The following C6 variants were observed in gnomAD, a reference collection of about 807,000 sequenced individuals.
The protein encoded by C6 is complement component C6.
A neutral mutation model predicts 112.9 loss-of-function variants in C6; 101 were observed. The observed-to-expected ratio is 0.89, with a 90% confidence interval of 0.76 to 1.06. The LOEUF (loss-of-function observed/expected upper bound fraction) is 1.06, where lower values mean the gene tolerates loss of function less well. Among genes scored for constraint, C6 ranks in the 50% least tolerant of loss-of-function variants. The pLI, the probability that C6 is intolerant of heterozygous loss-of-function variation, is 0.00. For synonymous variants in C6, 431 were observed against 384.1 expected (o/e 1.12, Z -1.43); for missense variants, 1,202 against 1,104.6 (o/e 1.09, Z -1.25).
intron 17 of C6, among the ~76,000 whole-genome samples, chr5:41,148,203 T>A (rs1746027178): frequency 6.6e-6 from 1 of 152,152 alleles, no homozygotes; most frequent in Non-Finnish European, 1.5e-5. Context: ...AGAAAAAATT[T>A]AAATGCCTAA....
intron 1 of C6, among the ~76,000 whole-genome samples, chr5:41,248,199 C>A (rs1741137555): frequency 6.6e-6 from 1 of 152,112 alleles, no homozygotes; most frequent in Admixed American, 6.6e-5. Flanking sequence ...TTAAATGTAA[C>A]AACTCAAAAC....
chr5:41,199,652 G>T, intron 4 of C6, 116 bp downstream of exon 4: 1 of 1,038,940 alleles, frequency 9.6e-7, no homozygotes, highest in Non-Finnish European at 1.5e-6. Context: ...ATTCCACTCT[G>T]CTTAAAATGT....
Position 41,200,891 on chromosome 5 carries a change from G to GTTTTTT in C6, c.300+661_300+666dup, listed in dbSNP as rs143443464. 6.2e-3 allele frequency among the ~76,000 whole-genome samples: 436 copies of GTTTTTT among 70,622 alleles called. 39 individuals carry two copies. The highest frequency in any genetic ancestry group is 0.018 in the African/African-American group (278 of 15,454). The allele number at this position is 70,622 out of a possible 152,430, so 46.3% of individuals were successfully genotyped here. On this transcript the variant is annotated intron_variant, in intron 3 of 17. Transcript: ENST00000337836. ...TGTTTTTGTTGTTGTTGTTGTTGTT[G>GTTTTTT]TTTTTTTTTTTTTTTTTTTTTTTTT...
chr5:41,159,983 T>A (rs1747317916), intron 11 of C6, among the ~76,000 whole-genome samples, 159 bp downstream of exon 11: 1 of 152,178 alleles, frequency 6.6e-6, no homozygotes, highest in Admixed American at 6.6e-5. Flanking sequence ...GTTGGTAGGT[T>A]ACAGCTGAGA....
intron 1 of C6, among the ~76,000 whole-genome samples, chr5:41,239,152 C>T (rs562581721): frequency 1.4e-5 from 2 of 139,462 alleles, no homozygotes; most frequent in Non-Finnish European, 3.0e-5. Context: ...TGCTCTGTCG[C>T]CCAGGCTGGA....
At chr5:41,175,874 G>T (rs1045500837) in intron 8 of C6, among the ~76,000 whole-genome samples, 4 of 152,310 alleles carry the variant, frequency 2.6e-5, no homozygotes, top group African/African-American at 9.6e-5. Flanking sequence ...CATGCAGGCA[G>T]TGTGGAAAGC....
Position 41,172,219 on chromosome 5 carries a change from T to G in C6, c.1291+6A>C, listed in dbSNP as rs1414873719. The G allele has an allele frequency of 5.0e-6, 8 of 1,613,584 alleles. No homozygotes were observed. Among genetic ancestry groups the G allele is most frequent in the Non-Finnish European group, 2.5e-6 (3 of 1,179,698 alleles). On this transcript the variant is annotated splice_donor_region_variant and intron_variant, in intron 9 of 17. Transcript: ENST00000337836. Reference sequence around the variant, plus strand: ...TGGATAAGCTGCTAAGAGAGAGTACTGTTACCTTCATGTTTCTCTGACAGC... The same window carrying G: ...TGGATAAGCTGCTAAGAGAGAGTACGGTTACCTTCATGTTTCTCTGACAGC...
chr5:41,233,540 A>G (rs529030518), intron 1 of C6, among the ~76,000 whole-genome samples: 45 of 152,104 alleles, frequency 3.0e-4, no homozygotes, highest in Non-Finnish European at 5.9e-4. Flanking sequence ...GTAACAAAAC[A>G]AAATAAAGCT....
intron 1 of C6, 23 bp from the exon 2 acceptor site, chr5:41,203,273 A>G (rs1423276415): frequency 4.0e-5 from 65 of 1,611,244 alleles, no homozygotes; most frequent in Non-Finnish European, 5.4e-5. Context: ...AATACATAAC[A>G]CATATCAAAT....
intron 9 of C6, among the ~76,000 whole-genome samples, chr5:41,170,782 T>A (rs1030530556): frequency 5.3e-5 from 8 of 152,198 alleles, no homozygotes; most frequent in Admixed American, 5.2e-4. Flanking sequence ...TTTGGGAATG[T>A]CTGTGATTCT....
intron 9 of C6, among the ~76,000 whole-genome samples, chr5:41,169,939 T>A (rs1414412392): frequency 6.6e-6 from 1 of 152,190 alleles, no homozygotes; most frequent in Non-Finnish European, 1.5e-5. Context: ...TTATTCCAAT[T>A]GGTTTTTCAT....
At chr5:41,181,278 T>C in intron 7 of C6, 81 bp downstream of exon 7, 1 of 1,289,564 alleles carries the variant, frequency 7.8e-7, no homozygotes, top group Non-Finnish European at 1.1e-6. Flanking sequence ...ATATCAAAAC[T>C]CTCCCCTTCT....
intron 1 of C6, among the ~76,000 whole-genome samples, chr5:41,210,503 A>G (rs1362560961): frequency 1.3e-5 from 2 of 152,228 alleles, no homozygotes; most frequent in African/African-American, 4.8e-5. Context: ...TCTACAAAGA[A>G]CTCAAACAAA....
intron 1 of C6, among the ~76,000 whole-genome samples, chr5:41,210,803 T>C (rs552104777): frequency 1.3e-5 from 2 of 152,282 alleles, no homozygotes; most frequent in East Asian, 3.9e-4. Context: ...TGTAAACTAG[T>C]TCAACCATTG....
intron 2 of C6, 75 bp downstream of exon 2, chr5:41,203,013 T>C: frequency 7.3e-7 from 1 of 1,378,320 alleles, no homozygotes; most frequent in Non-Finnish European, 1.0e-6. Context: ...TGCTTAGTGT[T>C]GCACTCCTGA....
At chr5:41,225,425 C>T (rs1580224516) in intron 1 of C6, among the ~76,000 whole-genome samples, 1 of 152,162 alleles carries the variant, frequency 6.6e-6, no homozygotes, top group Non-Finnish European at 1.5e-5. Flanking sequence ...GCATAGTATT[C>T]CATGGTGTAT....
intron 11 of C6, chr5:41,159,590 C>T (rs1168799762): frequency 9.7e-6 from 3 of 309,448 alleles, no homozygotes; most frequent in Non-Finnish European, 1.4e-5. Context: ...ATCTTCTTAA[C>T]AGAATGCATA....
At chr5:41,192,457 A>G (rs1402158520) in intron 5 of C6, among the ~76,000 whole-genome samples, 1 of 152,158 alleles carries the variant, frequency 6.6e-6, no homozygotes, top group African/African-American at 2.4e-5. Flanking sequence ...AATAATTGGT[A>G]TTAGTTCTTA....
At chr5:41,227,782 T>C (rs1048536919) in intron 1 of C6, among the ~76,000 whole-genome samples, 1 of 152,144 alleles carries the variant, frequency 6.6e-6, no homozygotes, top group Non-Finnish European at 1.5e-5. Flanking sequence ...TGACCTCAAA[T>C]ATGTGGATTT....
Sources: allele counts gnomAD v4.1 joint callset (sites outside exome capture counted in the v4.1 genomes callset), GRCh38; gene constraint gnomAD v4.1.1; transcripts MANE v1.5; gene names NCBI Gene and HGNC (gene_info 2026-07-23, HGNC 2026-07-21).